Variants in LGR6 observed in about 807,000 individuals in gnomAD.
LGR6 encodes the protein leucine-rich repeat-containing G protein-coupled receptor 6.
LGR6 carries 45 observed loss-of-function variants against 69.4 expected under a neutral mutation model. The observed-to-expected ratio is 0.65, with a 90% confidence interval of 0.51 to 0.83. LGR6 has a LOEUF of 0.83. LGR6 is among the 40% of genes least tolerant of loss of function. The pLI is 0.00. For missense variants in LGR6, 1,108 were observed against 1,246.7 expected (o/e 0.89, Z 1.68); for synonymous variants, 538 against 555.0 (o/e 0.97, Z 0.43).
chr1:202,221,106 G>A (rs879442062), intron 1 of LGR6, among the ~76,000 whole-genome samples: 1 of 152,010 alleles, frequency 6.6e-6, no homozygotes, highest in Non-Finnish European at 1.5e-5. Context: ...TTTCTCCAGC[G>A]GGGCAGGTGG....
At chr1:202,262,027 T>C (rs1268174539) in intron 4 of LGR6, among the ~76,000 whole-genome samples, 1 of 152,234 alleles carries the variant, frequency 6.6e-6, no homozygotes, top group Non-Finnish European at 1.5e-5. Context: ...TCTCCCATTA[T>C]GTAGGTTGCC....
chr1:202,271,827 AAAG>A (rs1315218107), intron 4 of LGR6, among the ~76,000 whole-genome samples: 16 of 151,192 alleles, frequency 1.1e-4, no homozygotes, highest in Admixed American at 1.3e-4. Flanking sequence ...AAAAAAAAAA[AAAG>A]AGAGAGGGGA....
chr1:202,254,998 C>T (rs1298334085), intron 4 of LGR6, among the ~76,000 whole-genome samples: 5 of 152,050 alleles, frequency 3.3e-5, no homozygotes, highest in African/African-American at 9.6e-5. Context: ...ATTGGGGGCG[C>T]GGGGATGGGG....
chr1:202,220,527 A>G (rs1349096790), intron 1 of LGR6, among the ~76,000 whole-genome samples: 2 of 152,218 alleles, frequency 1.3e-5, no homozygotes, highest in Non-Finnish European at 2.9e-5. Context: ...CCCACACTAC[A>G]ATTCTTGTGA....
chr1:202,297,343 G>A (rs1264754841), intron 6 of LGR6, among the ~76,000 whole-genome samples, 165 bp from the exon 7 acceptor site: 1 of 152,184 alleles, frequency 6.6e-6, no homozygotes, highest in African/African-American at 2.4e-5. Context: ...AATAGGATTG[G>A]AGCATGAACA....
chr1:202,302,304 T>C (rs1667660576), intron 9 of LGR6, among the ~76,000 whole-genome samples: 1 of 152,226 alleles, frequency 6.6e-6, no homozygotes, highest in Admixed American at 6.5e-5. Flanking sequence ...ATTGGTCCGA[T>C]TTACAGGTGG....
chr1:202,307,463 A>C, intron 14 of LGR6, 62 bp downstream of exon 14: 1 of 1,494,390 alleles, frequency 6.7e-7, no homozygotes, highest in Non-Finnish European at 9.3e-7. Flanking sequence ...TGGGCTGGCC[A>C]ATGGAGGCAG....
chr1:202,303,241 T>A (rs772908845), intron 9 of LGR6, 38 bp from the exon 10 acceptor site: 3 of 1,522,808 alleles, frequency 2.0e-6, no homozygotes, highest in Non-Finnish European at 2.7e-6. Flanking sequence ...TGAGATGCTC[T>A]GACCCCACCC....
At chr1:202,277,709 A>G (rs1021090645) in intron 5 of LGR6, among the ~76,000 whole-genome samples, 7 of 152,172 alleles carry the variant, frequency 4.6e-5, no homozygotes, top group African/African-American at 9.7e-5. Flanking sequence ...TTTCAGTCCA[A>G]TTGAAAGAGC....
At chr1:202,297,364 T>G in intron 6 of LGR6, 144 bp from the exon 7 acceptor site, 1 of 664,098 alleles carries the variant, frequency 1.5e-6, no homozygotes. Flanking sequence ...TTCCAAAATG[T>G]GTTTCCAGAC....
intron 4 of LGR6, among the ~76,000 whole-genome samples, chr1:202,271,450 C>T (rs959398106): frequency 2.6e-5 from 4 of 151,946 alleles, no homozygotes; most frequent in Non-Finnish European, 5.9e-5. Context: ...AGCCAGGTGT[C>T]GACCCTTAGG....
At chr1:202,309,404 G>A (rs756571602) in intron 15 of LGR6, among the ~76,000 whole-genome samples, 5 of 152,174 alleles carry the variant, frequency 3.3e-5, no homozygotes, top group Non-Finnish European at 5.9e-5. Context: ...AAGCTCCAAC[G>A]CTAGTGAGCA....
chr1:202,236,124 T>C (rs1023282834), intron 4 of LGR6, 131 bp downstream of exon 4: 3 of 699,972 alleles, frequency 4.3e-6, no homozygotes, highest in Non-Finnish European at 7.5e-6. Flanking sequence ...CCAGACAGCA[T>C]GCCGCTCCTG....
chr1:202,274,258 A>G (rs1480678711), intron 4 of LGR6, among the ~76,000 whole-genome samples: 1 of 152,112 alleles, frequency 6.6e-6, no homozygotes, highest in East Asian at 1.9e-4. Flanking sequence ...TCATTTATTT[A>G]TTGCCCATTT....
At chr1:202,214,025 G>A in intron 1 of LGR6, 1 of 1,333,560 alleles carries the variant, frequency 7.5e-7, no homozygotes, top group Non-Finnish European at 9.6e-7. Flanking sequence ...AGTTAGGGAA[G>A]AGGGCAGATG....
intron 4 of LGR6, among the ~76,000 whole-genome samples, chr1:202,243,972 T>C (rs935247087): frequency 6.8e-6 from 1 of 148,038 alleles, no homozygotes; most frequent in Non-Finnish European, 1.5e-5. Flanking sequence ...TGTTGTTGTT[T>C]TTGAGATGGA....
Position 202,253,197 on chromosome 1 carries a change from A to T in LGR6, c.428+17204A>T, listed in dbSNP as rs148308152. The stretch of plus-strand genomic sequence containing the variant: ...TGAGCCTCAGTTTTGTGATCTATAA[A>T]CTAGGAATAACAAAGTGGTTGTTTT... On this transcript the variant is annotated intron_variant, in intron 4 of 17. Coordinates refer to ENST00000367278, the MANE Select transcript of LGR6 (RefSeq NM_001017403.2). 2.0e-4 allele frequency among the ~76,000 whole-genome samples: 31 copies of T among 152,298 alleles called. No homozygotes were observed. In the East Asian group the frequency reaches 5.6e-3, roughly 27 times the overall value.
At position 202,293,181 on chromosome 1, in the gene LGR6, A is replaced by T. The variant is rs186097695; in HGVS notation, c.717-4327A>T. On this transcript the variant is annotated intron_variant, in intron 6 of 17. Coordinates refer to ENST00000367278, the MANE Select transcript of LGR6 (RefSeq NM_001017403.2). ...GGACAGCAGATAAGAAGTGTATAGC[A>T]GTCCAGAGGAGACAGCCCCCTAGAA... Among the ~76,000 whole-genome samples, 5 of 152,328 alleles carry T rather than the reference A, an allele frequency of 3.3e-5. No homozygotes were observed. In the East Asian group the frequency reaches 9.6e-4, roughly 29 times the overall value.
chr1:202,255,473 C>G (rs1033729180), intron 4 of LGR6, among the ~76,000 whole-genome samples: 2 of 152,158 alleles, frequency 1.3e-5, no homozygotes, highest in South Asian at 2.1e-4. Flanking sequence ...GCCTGCTCCT[C>G]GTCTCTCCCT....
Sources: allele counts gnomAD v4.1 joint callset (sites outside exome capture counted in the v4.1 genomes callset), GRCh38; gene constraint gnomAD v4.1.1; transcripts MANE v1.5; gene names NCBI Gene and HGNC (gene_info 2026-07-23, HGNC 2026-07-21).